Variants in EFCAB3 observed in about 807,000 individuals in gnomAD.
The protein encoded by EFCAB3 is EF-hand calcium binding domain 3.
Under a neutral mutation model 42.2 loss-of-function variants are expected in EFCAB3, and 36 were observed. That is an observed-to-expected ratio of 0.85 (90% CI 0.65 to 1.13). The LOEUF is 1.13. Among genes scored for constraint, EFCAB3 ranks in the 50% most tolerant of loss-of-function variants. The probability of loss-of-function intolerance (pLI) is 0.00; values close to 1 mark genes in which losing one functional copy is unlikely to be tolerated. For synonymous variants in EFCAB3, 170 were observed against 172.8 expected (o/e 0.98, Z 0.13); for missense variants, 418 against 505.1 (o/e 0.83, Z 1.65).
At chr17:62,372,758 C>T (rs1034841287) in intron 1 of EFCAB3, among the ~76,000 whole-genome samples, 1 of 152,144 alleles carries the variant, frequency 6.6e-6, no homozygotes, top group African/African-American at 2.4e-5. Flanking sequence ...TAGCAATGGT[C>T]AGAAACCTTC....
intron 9 of EFCAB3, among the ~76,000 whole-genome samples, chr17:62,415,745 C>A (rs1038130492): frequency 1.3e-5 from 2 of 152,198 alleles, no homozygotes; most frequent in Non-Finnish European, 2.9e-5. Flanking sequence ...TATCTCCATA[C>A]CATACTTCAG....
Position 62,406,558 on chromosome 17 carries a change from A to G in EFCAB3, c.567A>G (p.Thr189=). The change falls in exon 7 of 10, where the codon ACA becomes ACG. Residue 189 remains threonine, a synonymous_variant. Coordinates refer to ENST00000305286, the MANE Select transcript of EFCAB3 (RefSeq NM_173503.4). ...SPYTMGYGKR[T]LKPDICTPPS... is the part of the protein sequence containing the mutation. ...ACACTATGGGCTATGGAAAAAGGAC[A>G]CTTAAGCCAGACATATGCACACCTC... The G allele has an allele frequency of 6.2e-7, 1 of 1,614,074 alleles. No homozygotes were observed. The highest frequency in any genetic ancestry group is 8.5e-7 in the Non-Finnish European group (1 of 1,179,998).
intron 6 of EFCAB3, 70 bp downstream of exon 6, chr17:62,395,258 G>T: frequency 2.5e-6 from 4 of 1,577,116 alleles, no homozygotes; most frequent in Non-Finnish European, 2.6e-6. Context: ...ATGGCAGTCA[G>T]CTCCCACTAA....
intron 8 of EFCAB3, among the ~76,000 whole-genome samples, chr17:62,409,988 T>A (rs1171750869): frequency 6.6e-6 from 1 of 151,572 alleles, no homozygotes. Flanking sequence ...TCACCTGAGG[T>A]CGAGAGTTCG....
rs762405182 is a variant in EFCAB3 at position 62,407,144 on chromosome 17, C to T, written c.799C>T (p.Leu267=). ...CAAAGACATGCAGAAATTAGAGATG[C>T]TAAGAATAAAGGAGCCTTTGCATTT... is the stretch of plus-strand genomic sequence containing the variant. ...PFKDMQKLEM[L]RIKEPLHFFE... The change falls in exon 8 of 10, where the codon CTA becomes TTA. Residue 267 remains leucine, a synonymous_variant. Coordinates refer to ENST00000305286, the MANE Select transcript of EFCAB3 (RefSeq NM_173503.4). The T allele has an allele frequency of 5.6e-6, 9 of 1,612,078 alleles. No homozygotes were observed. The highest frequency in any genetic ancestry group is 2.7e-5 in the African/African-American group (2 of 74,792).
intron 8 of EFCAB3, among the ~76,000 whole-genome samples, 191 bp from the exon 9 acceptor site, chr17:62,413,541 G>A (rs778192096): frequency 1.3e-5 from 2 of 152,152 alleles, no homozygotes; most frequent in Admixed American, 6.6e-5. Flanking sequence ...AGATATTTTT[G>A]CACATATGCC....
At chr17:62,400,234 A>AT (rs1200377676) in intron 6 of EFCAB3, among the ~76,000 whole-genome samples, 10 of 150,846 alleles carry the variant, frequency 6.6e-5, no homozygotes, top group Non-Finnish European at 7.4e-5. Context: ...TTTTTTTCTT[A>AT]TTTTTTTATT....
intron 8 of EFCAB3, among the ~76,000 whole-genome samples, chr17:62,408,562 T>A (rs1342504438): frequency 6.6e-6 from 1 of 152,226 alleles, no homozygotes; most frequent in African/African-American, 2.4e-5. Flanking sequence ...TAAGTTTCAA[T>A]TAATTAAAAT....
At chr17:62,374,451 ACTCCATC>A (rs1461364329) in intron 2 of EFCAB3, among the ~76,000 whole-genome samples, 1 of 152,034 alleles carries the variant, frequency 6.6e-6, no homozygotes, top group Non-Finnish European at 1.5e-5. Flanking sequence ...ACATAGAGAG[ACTCCATC>A]TCAAAAAATA....
intron 4 of EFCAB3, among the ~76,000 whole-genome samples, chr17:62,392,874 TG>T (rs2070316580): frequency 1.3e-5 from 2 of 152,138 alleles, no homozygotes; most frequent in African/African-American, 4.8e-5. Flanking sequence ...CCTGACTTCG[TG>T]ATCCGCCCGC....
At chr17:62,384,940 G>T (rs2070235649) in intron 2 of EFCAB3, among the ~76,000 whole-genome samples, 1 of 152,170 alleles carries the variant, frequency 6.6e-6, no homozygotes, top group African/African-American at 2.4e-5. Flanking sequence ...TGCTACATGA[G>T]TTTGCCCACC....
intron 6 of EFCAB3, among the ~76,000 whole-genome samples, chr17:62,402,196 C>T (rs1262214092): frequency 2.6e-5 from 4 of 152,130 alleles, no homozygotes; most frequent in Admixed American, 6.6e-5. Context: ...TGGGCTGAGA[C>T]GATGGGGTTT....
intron 4 of EFCAB3, among the ~76,000 whole-genome samples, chr17:62,392,892 C>A (rs71375849): frequency 0.013 from 1,938 of 152,302 alleles, 18 homozygotes; most frequent in Admixed American, 0.02. Flanking sequence ...CCGCCTCGGC[C>A]TCCTAAAGTG....
At chr17:62,406,917 C>T (rs2070452943) in intron 7 of EFCAB3, 111 bp from the exon 8 acceptor site, 1 of 1,086,144 alleles carries the variant, frequency 9.2e-7, no homozygotes, top group African/African-American at 1.6e-5. Context: ...AGAATGAGGG[C>T]CATGGCCACT....
In EFCAB3 at chr17:62,406,527, G is replaced by A; in HGVS notation, c.536G>A (p.Ser179Asn). ...FQHTGPGMLW[S>N]PYTMGYGKRT... ...CATACTGGCCCAGGAATGTTGTGGAGTCCCTACACTATGGGCTATGGAAAA... is the reference window on the plus strand; with the variant it reads ...CATACTGGCCCAGGAATGTTGTGGAATCCCTACACTATGGGCTATGGAAAA... The change falls in exon 7 of 10, where the codon AGT (serine) becomes AAT (asparagine). Residue 179 changes from serine (S) to asparagine (N), a missense_variant. Coordinates refer to ENST00000305286, the MANE Select transcript of EFCAB3 (RefSeq NM_173503.4). 1 of 1,613,436 alleles carries A rather than the reference G, an allele frequency of 6.2e-7. No individual in the cohort carries two copies. The highest frequency in any genetic ancestry group is 8.5e-7 in the Non-Finnish European group (1 of 1,179,812).
At chr17:62,381,974 A>G (rs879134699) in intron 1 of EFCAB3, 1 of 286,282 alleles carries the variant, frequency 3.5e-6, no homozygotes, top group Admixed American at 4.0e-5. Flanking sequence ...GGAGGTGTCC[A>G]AAGAGTCAGA....
chr17:62,378,921 A>AGT (rs989179457), upstream of EFCAB3, among the ~76,000 whole-genome samples: 1 of 150,158 alleles, frequency 6.7e-6, no homozygotes, highest in African/African-American at 2.5e-5. Context: ...CTTAAAGTAT[A>AGT]ACAAAAAAAA....
At chr17:62,378,594 G>A (rs1274230826), upstream of EFCAB3, among the ~76,000 whole-genome samples, 4 of 152,048 alleles carry the variant, frequency 2.6e-5, no homozygotes, top group East Asian at 1.9e-4. Context: ...CTAGCTACTC[G>A]GGAGGCTGAG....
Position 62,391,971 on chromosome 17 carries a change from T to C in EFCAB3, c.295+6T>C. ...GAAATGTGCTGATATTGATCGTGAG[T>C]CCTTTGGCTTCTCATTGTTTTTCTC... On this transcript the variant is annotated splice_donor_region_variant and intron_variant, in intron 4 of 9. Coordinates refer to ENST00000305286, the MANE Select transcript of EFCAB3 (RefSeq NM_173503.4). 6.3e-7 allele frequency: 1 copy of C among 1,588,232 alleles called. No individual in the cohort carries two copies. Among genetic ancestry groups the C allele is most frequent in the African/African-American group, 1.3e-5 (1 of 74,634 alleles).
Sources: gnomAD v4.1 joint callset for allele counts (sites outside exome capture counted in the v4.1 genomes callset) on GRCh38, gnomAD v4.1.1 for gene constraint, MANE v1.5 for transcripts, NCBI Gene and HGNC (gene_info 2026-07-23, HGNC 2026-07-21) for gene names.